Variants in PCCB observed in about 807,000 individuals in gnomAD.
PCCB encodes the protein propionyl-CoA carboxylase subunit beta, also known as propionyl-CoA carboxylase beta chain, mitochondrial.
PCCB carries 43 observed loss-of-function variants against 60.7 expected under a neutral mutation model. The observed-to-expected ratio is 0.71, with a 90% CI of 0.55 to 0.91. The LOEUF is 0.91. Among genes scored for constraint, PCCB ranks in the 40% least tolerant of loss-of-function variants. The pLI is 0.00. For missense variants in PCCB, 766 were observed against 702.8 expected (o/e 1.09, Z -1.02); for synonymous variants, 276 against 255.9 (o/e 1.08, Z -0.75).
At chr3:136,253,955 A>G (rs536038271) in intron 1 of PCCB, among the ~76,000 whole-genome samples, 26 of 151,762 alleles carry the variant, frequency 1.7e-4, no homozygotes, top group African/African-American at 6.0e-4. Context: ...GTCAGTATAA[A>G]TATATTTTAA....
In PCCB at chr3:136,250,501, G is replaced by C; in HGVS notation, c.126G>C (p.Lys42Asn). 1.2e-6 allele frequency: 2 copies of C among 1,613,012 alleles called. No homozygotes were observed. The highest frequency in any genetic ancestry group is 1.7e-6 in the Non-Finnish European group (2 of 1,179,720). Residue 42 changes from lysine (K) to asparagine (N), a missense_variant, in exon 1 of 15, where the codon AAG (lysine) becomes AAC (asparagine). By Grantham distance (94) the Lys-to-Asn change is moderately conservative. Coordinates refer to ENST00000251654, the MANE Select transcript of PCCB (RefSeq NM_000532.5). ...CTGTTAACGAACGCATCGAAAACAA[G>C]CGCCGGACCGCGCTGCTGGGAGGGG... The part of the protein sequence containing the change: ...ATSVNERIEN[K>N]RRTALLGGGQ...
chr3:136,298,985 C>T (rs376024020), intron 8 of PCCB, among the ~76,000 whole-genome samples: 1 of 152,094 alleles, frequency 6.6e-6, no homozygotes, highest in Non-Finnish European at 1.5e-5. Flanking sequence ...AGGGACATAC[C>T]CAGTGGCCCA....
intron 9 of PCCB, among the ~76,000 whole-genome samples, chr3:136,307,716 C>T (rs1002634570): frequency 1.3e-5 from 2 of 152,070 alleles, no homozygotes; most frequent in East Asian, 3.8e-4. Context: ...TGGCTCATGC[C>T]TGTAATTCCA....
In PCCB at chr3:136,326,896, C is replaced by G; in HGVS notation, c.1184C>G (p.Pro395Arg). The G allele has an allele frequency of 6.2e-7, 1 of 1,608,288 alleles. No homozygotes were observed. The highest frequency in any genetic ancestry group is 8.5e-7 in the Non-Finnish European group (1 of 1,174,672). ...NIPLITFVDV[P>R]GFLPGTAQEY... ...CCACTCATCACTTTTGTTGATGTCC[C>G]TGGCTTTCTACCTGGTAAGTTTTTG... Residue 395 changes from proline to arginine, a missense_variant, in exon 11 of 15, where the codon CCT (proline) becomes CGT (arginine). Pro to Arg is a moderately radical substitution (Grantham distance 103). Transcript: ENST00000251654.
At position 136,302,187 on chromosome 3, in the gene PCCB, G is replaced by A. The variant is rs970414020; in HGVS notation, c.966+1076G>A. Among the ~76,000 whole-genome samples the A allele has an allele frequency of 2.4e-5, 3 of 124,828 alleles. 1 individual carries two copies. The highest frequency in any genetic ancestry group is 5.4e-5 in the Non-Finnish European group (3 of 55,562). 81.9% of individuals were successfully genotyped at this position (124,828 alleles called of 152,430 possible). On this transcript the variant is annotated intron_variant, in intron 9 of 14. Coordinates refer to ENST00000251654, the MANE Select transcript of PCCB (RefSeq NM_000532.5). ...CCACCCCGGCTCCTGCAAGCTGTGT[G>A]CAAACTGCTGCAGGAACACTTGCGG...
At chr3:136,260,054 CTTT>C (rs912493653) in intron 3 of PCCB, 4 of 259,836 alleles carry the variant, frequency 1.5e-5, no homozygotes, top group Admixed American at 1.5e-4. Flanking sequence ...GCCCGGGCAA[CTTT>C]TTTTGTTTTG....
At chr3:136,264,933 T>C (rs956680525) in intron 5 of PCCB, among the ~76,000 whole-genome samples, 5 of 142,996 alleles carry the variant, frequency 3.5e-5, no homozygotes, top group African/African-American at 7.8e-5. Flanking sequence ...CGGTGGCTCA[T>C]GCCTGTGATC....
At chr3:136,277,804 A>G (rs960443834) in intron 5 of PCCB, among the ~76,000 whole-genome samples, 1 of 152,104 alleles carries the variant, frequency 6.6e-6, no homozygotes, top group African/African-American at 2.4e-5. Context: ...CAGGCAGCCT[A>G]GGCTCAGAAC....
At chr3:136,285,088 CAAA>C (rs61543332) in intron 6 of PCCB, among the ~76,000 whole-genome samples, 90 of 107,092 alleles carry the variant, frequency 8.4e-4, no homozygotes, top group African/African-American at 1.4e-3. Context: ...GACCCTGCCT[CAAA>C]AAAAAAAAAA....
chr3:136,255,677 C>T lies in PCCB; in HGVS notation c.184-179C>T, dbSNP rs138910212. On this transcript the variant is annotated intron_variant, in intron 1 of 14. Transcript: ENST00000251654. The stretch of plus-strand genomic sequence containing the variant: ...GGCGCACACTGTCTGTCCTGATTTC[C>T]ATGTCATCTAAAGTCTACTAATAAC... 3.7e-5 allele frequency: 24 copies of T among 648,160 alleles called. No individual in the cohort carries two copies. The African/African-American group carries it at 3.9e-4, about 11-fold the overall frequency. 40.2% of individuals were successfully genotyped at this position (648,160 alleles called of 1,614,324 possible).
At chr3:136,284,079 G>A (rs1265538651) in intron 6 of PCCB, 132 bp downstream of exon 6, 2 of 705,406 alleles carry the variant, frequency 2.8e-6, no homozygotes, top group Non-Finnish European at 2.6e-6. Context: ...GTGATGATAA[G>A]GTGTTAATGG....
chr3:136,273,578 CTTTTTTTTTTTCTTTTTTCTTTTTTTT>C (rs1942256313), intron 5 of PCCB, among the ~76,000 whole-genome samples: 6 of 59,204 alleles, frequency 1.0e-4, no homozygotes, highest in Non-Finnish European at 1.9e-4. Flanking sequence ...CTTTTTCTTT[CTTTTTTTTTTTCTTTTTTCTTTTTTTT>C]TTTTTTTTTT....
intron 8 of PCCB, among the ~76,000 whole-genome samples, chr3:136,298,709 G>A (rs1934047135): frequency 6.6e-6 from 1 of 152,176 alleles, no homozygotes; most frequent in Non-Finnish European, 1.5e-5. Context: ...AGGCACCATA[G>A]AGTAAAGTGG....
At chr3:136,267,362 A>C (rs368341506) in intron 5 of PCCB, among the ~76,000 whole-genome samples, 6 of 151,236 alleles carry the variant, frequency 4.0e-5, no homozygotes, top group African/African-American at 1.5e-4. Context: ...ATTTTTGAAA[A>C]ATTTCTTTTG....
intron 8 of PCCB, among the ~76,000 whole-genome samples, chr3:136,300,348 C>T (rs896012805): frequency 1.3e-5 from 2 of 152,176 alleles, no homozygotes; most frequent in East Asian, 1.9e-4. Context: ...TAGCCCCTGG[C>T]TGCCCACACT....
In PCCB at chr3:136,327,183, C is replaced by T. The variant is rs753537503; in HGVS notation, c.1227C>T (p.Ile409=). The T allele has an allele frequency of 6.2e-7, 1 of 1,613,460 alleles. No homozygotes were observed. The highest frequency in any genetic ancestry group is 1.1e-5 in the South Asian group (1 of 91,090). The change falls in exon 12 of 15, where the codon ATC becomes ATT. Residue 409 remains isoleucine, a synonymous_variant. Transcript: ENST00000251654. ...CAGCACAGGAATACGGGGGCATCATCCGGCATGGTGCCAAGCTTCTCTACG... is the reference window on the plus strand; with the variant it reads ...CAGCACAGGAATACGGGGGCATCATTCGGCATGGTGCCAAGCTTCTCTACG... ...PGTAQEYGGI[I]RHGAKLLYAF...
intron 6 of PCCB, among the ~76,000 whole-genome samples, chr3:136,285,145 C>T (rs1382181051): frequency 1.3e-5 from 2 of 150,444 alleles, no homozygotes; most frequent in African/African-American, 4.9e-5. Flanking sequence ...GTGGACAATG[C>T]AGAATTTTCT....
At chr3:136,258,219 T>C (rs1941727612) in intron 3 of PCCB, among the ~76,000 whole-genome samples, 1 of 152,186 alleles carries the variant, frequency 6.6e-6, no homozygotes, top group Non-Finnish European at 1.5e-5. Context: ...ATTGATACTT[T>C]TGACCACCTC....
intron 9 of PCCB, among the ~76,000 whole-genome samples, chr3:136,307,731 T>C (rs1484076797): frequency 1.3e-5 from 2 of 152,036 alleles, no homozygotes; most frequent in Admixed American, 6.6e-5. Context: ...ATTCCAGTAC[T>C]TTGGGAGGCT....
Sources: gnomAD v4.1 joint callset for allele counts (sites outside exome capture counted in the v4.1 genomes callset) on GRCh38, gnomAD v4.1.1 for gene constraint, MANE v1.5 for transcripts, NCBI Gene and HGNC (gene_info 2026-07-23, HGNC 2026-07-21) for gene names.